Variants in HS2ST1 observed in about 807,000 individuals in gnomAD.
The protein encoded by HS2ST1 is 2-O-sulfotransferase.
HS2ST1 carries 18 observed loss-of-function variants against 42.9 expected under a neutral mutation model. The observed-to-expected ratio is 0.42, with a 90% CI of 0.29 to 0.62. The LOEUF is 0.62. Among genes scored for constraint, HS2ST1 ranks in the 20% least tolerant of loss-of-function variants. The probability of loss-of-function intolerance (pLI) is 0.21; values close to 1 mark genes in which losing one functional copy is unlikely to be tolerated. For synonymous variants in HS2ST1, 146 were observed against 152.9 expected, an observed-to-expected ratio of 0.95 and a Z score of 0.33; for missense variants, 334 against 433.8, an observed-to-expected ratio of 0.77 and a Z score of 2.04.
chr1:87,088,997 AT>A (rs1234472691), intron 3 of HS2ST1, among the ~76,000 whole-genome samples: 3 of 152,034 alleles, frequency 2.0e-5, no homozygotes, highest in African/African-American at 7.2e-5. Flanking sequence ...GAGAAGTTAA[AT>A]TTAGTATGAA....
intron 1 of HS2ST1, among the ~76,000 whole-genome samples, chr1:87,067,222 C>G (rs1034824388): frequency 6.6e-6 from 1 of 152,214 alleles, no homozygotes; most frequent in East Asian, 1.9e-4. Flanking sequence ...TCCACGTCCT[C>G]TCCAGCATCT....
At chr1:87,101,149 G>GTGTGTGTTT (rs1557546421) in intron 5 of HS2ST1, among the ~76,000 whole-genome samples, 3 of 59,540 alleles carry the variant, frequency 5.0e-5, no homozygotes, top group African/African-American at 2.0e-4. Flanking sequence ...GTGTGTGTGT[G>GTGTGTGTTT]TTTTTTGTTT....
intron 1 of HS2ST1, among the ~76,000 whole-genome samples, chr1:87,021,402 T>TA (rs1553138114): frequency 6.6e-6 from 1 of 152,176 alleles, no homozygotes; most frequent in Non-Finnish European, 1.5e-5. Context: ...AATAAAGAAG[T>TA]ATAGCCTTTT....
intron 1 of HS2ST1, among the ~76,000 whole-genome samples, chr1:86,946,119 A>G (rs1169791362): frequency 1.3e-5 from 2 of 152,170 alleles, no homozygotes; most frequent in East Asian, 3.8e-4. Flanking sequence ...GTTGATTTTT[A>G]TGTGTTAAAA....
chr1:87,018,132 C>CCACACACACACACACACA (rs56401098), intron 1 of HS2ST1, among the ~76,000 whole-genome samples: 178 of 149,342 alleles, frequency 1.2e-3, no homozygotes, highest in African/African-American at 2.2e-3. Flanking sequence ...TAAATAAAAG[C>CCACACACACACACACACA]CACACACACA....
chr1:86,949,194 T>C (rs1393611248), intron 1 of HS2ST1, among the ~76,000 whole-genome samples: 1 of 152,142 alleles, frequency 6.6e-6, no homozygotes, highest in African/African-American at 2.4e-5. Context: ...CTACAACCTC[T>C]GCCTCCTGGG....
chr1:86,951,784 C>G (rs535576328), intron 1 of HS2ST1, among the ~76,000 whole-genome samples: 2 of 152,344 alleles, frequency 1.3e-5, no homozygotes, highest in South Asian at 4.1e-4. Flanking sequence ...ATCTCAAACC[C>G]TGATGCTGCT....
At chr1:86,938,795 A>G (rs949879591) in intron 1 of HS2ST1, among the ~76,000 whole-genome samples, 2 of 152,172 alleles carry the variant, frequency 1.3e-5, no homozygotes, top group South Asian at 2.1e-4. Flanking sequence ...GTATCCAACT[A>G]GTAGTGGTGT....
At chr1:87,044,585 ATATT>A (rs1272185243) in intron 1 of HS2ST1, among the ~76,000 whole-genome samples, 7 of 152,344 alleles carry the variant, frequency 4.6e-5, no homozygotes, top group African/African-American at 1.4e-4. Flanking sequence ...TAAAGGCATG[ATATT>A]TATAACCAGG....
At chr1:87,086,802 A>G (rs75772129) in intron 3 of HS2ST1, among the ~76,000 whole-genome samples, 1 of 151,082 alleles carries the variant, frequency 6.6e-6, no homozygotes, top group Admixed American at 6.6e-5. Flanking sequence ...TTATTCTTTG[A>G]TTTTTTTAAA....
chr1:87,034,155 A>G (rs1570500152), intron 1 of HS2ST1, among the ~76,000 whole-genome samples: 1 of 152,262 alleles, frequency 6.6e-6, no homozygotes, highest in African/African-American at 2.4e-5. Flanking sequence ...CAAAACAAAA[A>G]TAGAATCAAT....
intron 1 of HS2ST1, among the ~76,000 whole-genome samples, chr1:86,930,343 C>T (rs867158730): frequency 1.3e-5 from 2 of 151,938 alleles, no homozygotes; most frequent in Middle Eastern, 6.8e-3. Context: ...TTAGCTATAC[C>T]TTTAAAACTT....
chr1:86,953,541 C>T (rs1272798313), intron 1 of HS2ST1, among the ~76,000 whole-genome samples: 1 of 152,144 alleles, frequency 6.6e-6, no homozygotes, highest in Non-Finnish European at 1.5e-5. Flanking sequence ...CAGCGGATCA[C>T]TTGAGGTCAG....
Position 87,109,345 on chromosome 1 carries a change from A to G in HS2ST1, c.*4649A>G, listed in dbSNP as rs1652414812. The G allele has an allele frequency of 6.6e-6, 1 of 152,078 alleles. No homozygotes were observed. The allele number at this position is 152,078 out of a possible 1,614,324, so 9.4% of individuals were successfully genotyped here. A position where few individuals can be genotyped will look rare whatever the true frequency, so the allele number is the denominator to read the frequency against. ...TAATGATTTTATGGCTTGTGACAAT[A>G]TTTTATCTGGACTGACATGCCTCTG... On this transcript the variant is annotated 3_prime_UTR_variant, in exon 7 of 7. Coordinates refer to ENST00000370550, the MANE Select transcript of HS2ST1 (RefSeq NM_012262.4).
At chr1:86,926,055 G>A (rs2102159179) in intron 1 of HS2ST1, among the ~76,000 whole-genome samples, 1 of 152,264 alleles carries the variant, frequency 6.6e-6, no homozygotes, top group East Asian at 1.9e-4. Context: ...TTTGAGGCTT[G>A]CTTTTAAGTT....
intron 1 of HS2ST1, among the ~76,000 whole-genome samples, chr1:87,007,036 G>C (rs552024209): frequency 6.6e-6 from 1 of 151,884 alleles, no homozygotes; most frequent in Non-Finnish European, 1.5e-5. Flanking sequence ...TAGGAAGAAG[G>C]GTCAATTTTT....
In HS2ST1 at chr1:87,105,733, C is replaced by G. The variant is rs779992853; in HGVS notation, c.*1037C>G. On this transcript the variant is annotated 3_prime_UTR_variant, in exon 7 of 7. Coordinates refer to ENST00000370550, the MANE Select transcript of HS2ST1 (RefSeq NM_012262.4). ...AAGTGGTTTTGCACCAATTTTATGT[C>G]AAGTAAAACCATCAGACCTACTGTT... 2 of 152,452 alleles carry G rather than the reference C, an allele frequency of 1.3e-5. No individual in the cohort carries two copies. Among genetic ancestry groups the G allele is most frequent in the Non-Finnish European group, 2.9e-5 (2 of 67,924 alleles). The allele number at this position is 152,452 out of a possible 1,614,324, so 9.4% of individuals were successfully genotyped here.
At chr1:86,946,692 A>G (rs1647350265) in intron 1 of HS2ST1, among the ~76,000 whole-genome samples, 1 of 152,222 alleles carries the variant, frequency 6.6e-6, no homozygotes, top group Non-Finnish European at 1.5e-5. Flanking sequence ...AAAAATAGGC[A>G]AAATATTCTT....
chr1:86,983,422 GGGAAACTGCCACTTT>G (rs1456980882), intron 1 of HS2ST1, among the ~76,000 whole-genome samples: 2 of 152,042 alleles, frequency 1.3e-5, no homozygotes, highest in African/African-American at 4.8e-5. Context: ...GAGAGTGCAG[GGGAAACTGCCACTTT>G]TTAACTATCA....
Sources: allele counts gnomAD v4.1 joint callset (sites outside exome capture counted in the v4.1 genomes callset), GRCh38; gene constraint gnomAD v4.1.1; transcripts MANE v1.5; gene names NCBI Gene and HGNC (gene_info 2026-07-23, HGNC 2026-07-21).